Variants in SLC36A4 observed in about 807,000 individuals in gnomAD.
The protein encoded by SLC36A4 is neutral amino acid uniporter 4.
SLC36A4 carries 49 observed loss-of-function variants against 50.5 expected under a neutral mutation model. The observed-to-expected ratio is 0.97, with a 90% CI of 0.77 to 1.23. The LOEUF is 1.23. SLC36A4 is among the 50% of genes most tolerant of loss of function. The pLI, the probability that SLC36A4 is intolerant of heterozygous loss-of-function variation, is 0.00. For synonymous variants in SLC36A4, 207 were observed against 206.5 expected (o/e 1.00, Z -0.02); for missense variants, 611 against 608.4 (o/e 1.00, Z -0.05).
At chr11:93,163,023 T>C (rs1271277358) in intron 8 of SLC36A4, 148 bp from the exon 9 acceptor site, 6 of 601,480 alleles carry the variant, frequency 1.0e-5, no homozygotes, top group Admixed American at 3.4e-5. Context: ...ACACTTCCAT[T>C]GCTATATATT....
intron 2 of SLC36A4, 140 bp from the exon 3 acceptor site, chr11:93,184,660 G>C (rs1184394325): frequency 1.2e-5 from 7 of 591,240 alleles, no homozygotes; most frequent in Non-Finnish European, 2.1e-5. Context: ...CACTGGGCCA[G>C]AAGTCATACT....
intron 1 of SLC36A4, 29 bp downstream of exon 1, chr11:93,197,749 C>T (rs935952901): frequency 1.3e-6 from 2 of 1,584,402 alleles, no homozygotes; most frequent in African/African-American, 1.4e-5. Context: ...CACGTCAGCC[C>T]CGGCTCCCTG....
chr11:93,170,192 G>A (rs1250460740), intron 6 of SLC36A4: 1 of 151,874 alleles, frequency 6.6e-6, no homozygotes, highest in Non-Finnish European at 1.5e-5. Context: ...GACTTCCTAC[G>A]ATCTCACATG....
intron 6 of SLC36A4, among the ~76,000 whole-genome samples, chr11:93,179,663 G>T (rs377571721): frequency 6.6e-6 from 1 of 152,158 alleles, no homozygotes; most frequent in African/African-American, 2.4e-5. Flanking sequence ...TTATAAAAGA[G>T]AGTTTGACTC....
chr11:93,172,510 T>G (rs1172476600), intron 6 of SLC36A4, among the ~76,000 whole-genome samples: 1 of 151,434 alleles, frequency 6.6e-6, no homozygotes, highest in East Asian at 2.0e-4. Context: ...CTTAGTTACA[T>G]ATTTATACAT....
chr11:93,185,818 TAAA>T lies in SLC36A4; in HGVS notation c.56-7_56-5del. 6.4e-7 allele frequency: 1 copy of T among 1,571,900 alleles called. No individual in the cohort carries two copies. Among genetic ancestry groups the T allele is most frequent in the Non-Finnish European group, 8.6e-7 (1 of 1,168,976 alleles). ...AAGGGCCTCATTACATCCATATCTT[TAAA>T]AAAGAAAAACAAAGTACTTCACTAT... On this transcript the variant is annotated splice_region_variant and splice_polypyrimidine_tract_variant and intron_variant, in intron 1 of 10. Coordinates refer to ENST00000326402, the MANE Select transcript of SLC36A4 (RefSeq NM_152313.4).
chr11:93,187,085 G>A (rs1862015533), intron 1 of SLC36A4, among the ~76,000 whole-genome samples: 1 of 151,978 alleles, frequency 6.6e-6, no homozygotes, highest in South Asian at 2.1e-4. Context: ...GGATACTTGA[G>A]GAACAACTAG....
rs1859877183 is a variant in SLC36A4 at position 93,147,374 on chromosome 11, G to T, written c.*1163C>A. The T allele has an allele frequency of 6.6e-6, 1 of 152,042 alleles. No individual in the cohort carries two copies. Among genetic ancestry groups the T allele is most frequent in the South Asian group, 2.1e-4 (1 of 4,830 alleles). 9.4% of individuals were successfully genotyped at this position (152,042 alleles called of 1,614,324 possible). ...AGAGTCCACAAATCCTCCGTTTTCT[G>T]AGGTGTCTATTTTCTGCCATTCAGG... On this transcript the variant is annotated 3_prime_UTR_variant, in exon 11 of 11. Transcript: ENST00000326402.
chr11:93,186,687 T>G (rs1212987007), intron 1 of SLC36A4, among the ~76,000 whole-genome samples: 1 of 152,208 alleles, frequency 6.6e-6, no homozygotes, highest in African/African-American at 2.4e-5. Context: ...ATGATGTTTT[T>G]CATACTGTCC....
At position 93,148,475 on chromosome 11, in the gene SLC36A4, C is replaced by G; in HGVS notation, c.*62G>C. The G allele has an allele frequency of 7.3e-7, 1 of 1,369,528 alleles. No individual in the cohort carries two copies. Among genetic ancestry groups the G allele is most frequent in the Non-Finnish European group, 1.0e-6 (1 of 982,682 alleles). The allele number at this position is 1,369,528 out of a possible 1,614,324, so 84.8% of individuals were successfully genotyped here. ...TTTATGTATATAGCAATGTATTTTA[C>G]TAGTTATCTTGATAATTTTCAGAAA... On this transcript the variant is annotated 3_prime_UTR_variant, in exon 11 of 11. Transcript: ENST00000326402.
In SLC36A4 at chr11:93,145,448, C is replaced by A. The variant is rs890781974; in HGVS notation, c.*3089G>T. 2 of 151,938 alleles carry A rather than the reference C, an allele frequency of 1.3e-5. No homozygotes were observed. The highest frequency in any genetic ancestry group is 4.8e-5 in the African/African-American group (2 of 41,400). The allele number at this position is 151,938 out of a possible 1,614,324, so 9.4% of individuals were successfully genotyped here. ...AAGAATACGCTGTAGCTCTTATTTT[C>A]TTAATTGTAAAGAAATCTGGCCATG... On this transcript the variant is annotated 3_prime_UTR_variant, in exon 11 of 11. Transcript: ENST00000326402.
chr11:93,148,460 T>C lies in SLC36A4; in HGVS notation c.*77A>G, dbSNP rs1859929471. The C allele has an allele frequency of 6.5e-6, 8 of 1,222,926 alleles. No individual in the cohort carries two copies. In the East Asian group the frequency reaches 9.3e-5, roughly 14 times the overall value. The allele number at this position is 1,222,926 out of a possible 1,614,324, so 75.8% of individuals were successfully genotyped here. On this transcript the variant is annotated 3_prime_UTR_variant, in exon 11 of 11. Transcript: ENST00000326402. Reference sequence around the variant, plus strand: ...GAGTTTGTTACCATTTTTATGTATATAGCAATGTATTTTACTAGTTATCTT... The same window carrying C: ...GAGTTTGTTACCATTTTTATGTATACAGCAATGTATTTTACTAGTTATCTT...
At chr11:93,183,223 T>C (rs1319457745) in intron 3 of SLC36A4, among the ~76,000 whole-genome samples, 2 of 152,210 alleles carry the variant, frequency 1.3e-5, no homozygotes, top group Admixed American at 6.5e-5. Context: ...TATAATTATA[T>C]GCAACCATGC....
At position 93,174,367 on chromosome 11, in the gene SLC36A4, T is replaced by G. The variant is rs941336581; in HGVS notation, c.541-6196A>C. ...TTTGGGCTGAGACAATGGGGTTTTC[T>G]CGATATACAGTCATGTCATCTGCAA... On this transcript the variant is annotated intron_variant, in intron 6 of 10. Transcript: ENST00000326402. Among the ~76,000 whole-genome samples, 1,005 of 151,590 alleles carry G rather than the reference T, an allele frequency of 6.6e-3. 8 individuals are homozygous for G. The highest frequency in any genetic ancestry group is 0.023 in the African/African-American group (952 of 41,254).
chr11:93,194,499 A>T (rs1335901629), intron 1 of SLC36A4, among the ~76,000 whole-genome samples: 1 of 152,200 alleles, frequency 6.6e-6, no homozygotes, highest in East Asian at 1.9e-4. Flanking sequence ...TGCAGACCTT[A>T]AGCTATTTAC....
chr11:93,150,040 T>C (rs1399937539), intron 10 of SLC36A4, among the ~76,000 whole-genome samples: 1 of 152,082 alleles, frequency 6.6e-6, no homozygotes, highest in Admixed American at 6.6e-5. Flanking sequence ...CAAGTTCTGG[T>C]CTGGCGCTTT....
intron 3 of SLC36A4, among the ~76,000 whole-genome samples, chr11:93,184,119 A>C (rs1455211378): frequency 2.6e-5 from 4 of 152,242 alleles, no homozygotes; most frequent in Non-Finnish European, 5.9e-5. Context: ...TTACACTGCT[A>C]AATTCAATTC....
Position 93,148,200 on chromosome 11 carries a change from C to A in SLC36A4, c.*337G>T. On this transcript the variant is annotated 3_prime_UTR_variant, in exon 11 of 11. Coordinates refer to ENST00000326402, the MANE Select transcript of SLC36A4 (RefSeq NM_152313.4). ...TCCTATTCTGTTCTCAAGTGAGTGGCAAAAGAGTAGCATAAAAGAGAGATA... is the reference window on the plus strand; with the variant it reads ...TCCTATTCTGTTCTCAAGTGAGTGGAAAAAGAGTAGCATAAAAGAGAGATA... 1 of 194,350 alleles carries A rather than the reference C, an allele frequency of 5.1e-6. No homozygotes were observed. 12.0% of individuals were successfully genotyped at this position (194,350 alleles called of 1,614,324 possible).
chr11:93,181,173 T>C (rs1444175051), intron 5 of SLC36A4, among the ~76,000 whole-genome samples: 1 of 152,080 alleles, frequency 6.6e-6, no homozygotes, highest in Non-Finnish European at 1.5e-5. Context: ...CTTATTTTTC[T>C]AGTCCTGTAT....
Sources: gnomAD v4.1 joint callset for allele counts (sites outside exome capture counted in the v4.1 genomes callset) on GRCh38, gnomAD v4.1.1 for gene constraint, MANE v1.5 for transcripts, NCBI Gene and HGNC (gene_info 2026-07-23, HGNC 2026-07-21) for gene names.